C1QTNF7: variants seen among roughly 807,000 people sequenced by gnomAD.
C1QTNF7 encodes the protein complement C1q tumor necrosis factor-related protein 7.
C1QTNF7 carries 15 observed loss-of-function variants against 19.6 expected under a neutral mutation model. The ratio of observed to expected loss-of-function variants is 0.76; its 90% CI spans 0.51 to 1.18. The LOEUF (loss-of-function observed/expected upper bound fraction) is 1.18. C1QTNF7 is among the 50% of genes most tolerant of loss of function. C1QTNF7 has a pLI of 0.00. For missense variants in C1QTNF7, 324 were observed against 359.7 expected (o/e 0.90, Z 0.80); for synonymous variants, 142 against 137.5 (o/e 1.03, Z -0.23).
chr4:15,412,173 T>C (rs1719426670), intron 1 of C1QTNF7, among the ~76,000 whole-genome samples: 1 of 152,180 alleles, frequency 6.6e-6, no homozygotes, highest in Non-Finnish European at 1.5e-5. Context: ...GATGGTCTAG[T>C]AGCAGGAAAA....
rs148931136 is a variant in C1QTNF7 at position 15,348,139 on chromosome 4, T to C, written c.13+7932T>C. The stretch of plus-strand genomic sequence containing the variant: ...AATCTTTCTCTTTGCCTCTTTGCTA[T>C]GGGGGATTTCCTCTCCCTGGACAAA... On this transcript the variant is annotated intron_variant, in intron 1 of 2. Coordinates refer to the C1QTNF7 transcript ENST00000295297. 2.0e-4 allele frequency among the ~76,000 whole-genome samples: 31 copies of C among 152,290 alleles called. No individual in the cohort carries two copies. The East Asian group carries it at 6.0e-3, about 29-fold the overall frequency.
At chr4:15,384,433 T>A (rs955785847) in intron 1 of C1QTNF7, among the ~76,000 whole-genome samples, 1 of 152,100 alleles carries the variant, frequency 6.6e-6, no homozygotes, top group African/African-American at 2.4e-5. Flanking sequence ...AACCCTAAAC[T>A]ATAATGACTT....
chr4:15,355,632 G>A (rs1717118544), intron 1 of C1QTNF7, among the ~76,000 whole-genome samples: 1 of 152,022 alleles, frequency 6.6e-6, no homozygotes, highest in Non-Finnish European at 1.5e-5. Flanking sequence ...TAAAGGGATG[G>A]TAGGAGTTAA....
rs1219933482 is a variant in C1QTNF7, at chr4:15,442,658, T to G, written c.729T>G (p.Asp243Glu). ...GSTVIYLQPE[D>E]EVWLEIFFTD... Reference sequence around the variant, plus strand: ...CAGTCATCTATCTGCAGCCAGAAGATGAAGTCTGGCTGGAGATTTTCTTCA... The same window carrying G: ...CAGTCATCTATCTGCAGCCAGAAGAGGAAGTCTGGCTGGAGATTTTCTTCA... Residue 243 changes from aspartate to glutamate, a missense_variant, in exon 3 of 3, where the codon GAT becomes GAG. Transcript: ENST00000444304. 6.2e-7 allele frequency: 1 copy of G among 1,614,238 alleles called. No individual in the cohort carries two copies. The highest frequency in any genetic ancestry group is 1.1e-5 in the South Asian group (1 of 91,074).
chr4:15,402,212 A>G (rs1719019226), intron 1 of C1QTNF7, among the ~76,000 whole-genome samples: 1 of 152,240 alleles, frequency 6.6e-6, no homozygotes, highest in African/African-American at 2.4e-5. Context: ...AAAATAGCAG[A>G]GCAACCTCTA....
At position 15,442,190 on chromosome 4, in the gene C1QTNF7, G is replaced by A. The variant is rs144010767; in HGVS notation, c.261G>A (p.Pro87=). The A allele has an allele frequency of 8.4e-5, 135 of 1,611,376 alleles. No homozygotes were observed. The African/African-American group carries it at 8.4e-4, about 10-fold the overall frequency. ...GTAGLRGKTG[P]LGLAGEKGDQ... is the part of the protein sequence containing the mutation. ...AAGGTTTGAGAGGTAAGACTGGACC[G>A]CTAGGTCTTGCCGGTGAGAAAGGGG... is the stretch of plus-strand genomic sequence containing the variant. The change falls in exon 3 of 3, where the codon CCG becomes CCA. Residue 87 remains proline, a synonymous_variant. Transcript: ENST00000444304.
chr4:15,391,538 C>T (rs2108899667), intron 1 of C1QTNF7, among the ~76,000 whole-genome samples: 1 of 152,180 alleles, frequency 6.6e-6, no homozygotes, highest in East Asian at 1.9e-4. Context: ...TGGGTCATCA[C>T]CCCTCAAGCC....
chr4:15,432,530 G>C (rs1427682105), intron 1 of C1QTNF7, among the ~76,000 whole-genome samples: 1 of 152,094 alleles, frequency 6.6e-6, no homozygotes, highest in Non-Finnish European at 1.5e-5. Context: ...CGAGTAGCTG[G>C]AATTACAGGT....
chr4:15,436,918 T>C (rs1468775401), intron 2 of C1QTNF7, among the ~76,000 whole-genome samples: 2 of 152,228 alleles, frequency 1.3e-5, no homozygotes, highest in Non-Finnish European at 2.9e-5. Flanking sequence ...ATTCAGATTA[T>C]TGGATAATAA....
At chr4:15,393,662 C>G (rs187685526) in intron 1 of C1QTNF7, among the ~76,000 whole-genome samples, 26 of 152,280 alleles carry the variant, frequency 1.7e-4, no homozygotes, top group Admixed American at 1.6e-3. Context: ...GCTGTGTGAC[C>G]TGGGGTAAGG....
intron 1 of C1QTNF7, among the ~76,000 whole-genome samples, chr4:15,400,344 A>T (rs2108906957): frequency 6.6e-6 from 1 of 152,382 alleles, no homozygotes; most frequent in Middle Eastern, 3.4e-3. Context: ...TCTGTCATAA[A>T]TCAGCCAAGT....
At position 15,433,897 on chromosome 4, in the gene C1QTNF7, C is replaced by T. The variant is rs565317643; in HGVS notation, c.-8-1839C>T. On this transcript the variant is annotated intron_variant, in intron 1 of 2. Coordinates refer to ENST00000444304, the MANE Select transcript of C1QTNF7 (RefSeq NM_031911.5). ...TTCTCATTCCTTCTCAAAGCCTCCT[C>T]TAATCAGCCTTTCACAACGGAGAGA... Among the ~76,000 whole-genome samples the T allele has an allele frequency of 2.2e-4, 33 of 152,310 alleles. No homozygotes were observed. In the South Asian group the frequency reaches 6.8e-3, roughly 32 times the overall value.
intron 1 of C1QTNF7, among the ~76,000 whole-genome samples, chr4:15,400,401 G>T (rs188159695): frequency 5.3e-4 from 81 of 152,336 alleles, no homozygotes; most frequent in Non-Finnish European, 8.7e-4. Flanking sequence ...TAAATTTGAT[G>T]CACAAGAAGA....
At position 15,391,331 on chromosome 4, in the gene C1QTNF7, C is replaced by T. The variant is rs1221496187; in HGVS notation, c.14-44405C>T. Among the ~76,000 whole-genome samples the T allele has an allele frequency of 3.3e-5, 5 of 152,024 alleles. No homozygotes were observed. The South Asian group carries it at 8.3e-4, about 25-fold the overall frequency. On this transcript the variant is annotated intron_variant, in intron 1 of 2. Coordinates refer to the C1QTNF7 transcript ENST00000295297. Reference sequence around the variant, plus strand: ...AGTCTCAGTGGACTCACTTAAGTCACCTGCCCTCCCATGAATTAATCACTC... The same window carrying T: ...AGTCTCAGTGGACTCACTTAAGTCATCTGCCCTCCCATGAATTAATCACTC...
chr4:15,423,866 TCTTA>T (rs1324568792), upstream of C1QTNF7, among the ~76,000 whole-genome samples: 5 of 152,198 alleles, frequency 3.3e-5, no homozygotes, highest in African/African-American at 2.4e-5. Flanking sequence ...GCAAGTTCTC[TCTTA>T]TTTAGGCAAG....
chr4:15,382,405 CA>C (rs11296645), intron 1 of C1QTNF7, among the ~76,000 whole-genome samples: 71,893 of 147,490 alleles, frequency 0.49, 18,610 homozygotes, highest in African/African-American at 0.69. Context: ...GATGATAAAG[CA>C]AAAAAAAAAA....
chr4:15,352,688 CAG>C (rs1256549018), intron 1 of C1QTNF7, among the ~76,000 whole-genome samples: 1 of 152,184 alleles, frequency 6.6e-6, no homozygotes, highest in Non-Finnish European at 1.5e-5. Flanking sequence ...TGACATGAAT[CAG>C]AGAGTGCAGC....
At chr4:15,381,072 A>G (rs1718123294) in intron 1 of C1QTNF7, among the ~76,000 whole-genome samples, 1 of 152,178 alleles carries the variant, frequency 6.6e-6, no homozygotes, top group Admixed American at 6.5e-5. Context: ...AATTTAATAT[A>G]TAAATTGGAC....
At chr4:15,383,770 A>AC (rs1718231954) in intron 1 of C1QTNF7, among the ~76,000 whole-genome samples, 1 of 152,130 alleles carries the variant, frequency 6.6e-6, no homozygotes, top group South Asian at 2.1e-4. Context: ...TGCTTTCTTC[A>AC]CCCCTTGCTA....
Sources: gnomAD v4.1 joint callset for allele counts (sites outside exome capture counted in the v4.1 genomes callset) on GRCh38, gnomAD v4.1.1 for gene constraint, MANE v1.5 for transcripts, NCBI Gene and HGNC (gene_info 2026-07-23, HGNC 2026-07-21) for gene names.